MX2: variants seen among roughly 807,000 people sequenced by gnomAD.
MX2 encodes interferon-induced GTP-binding protein Mx2.
Under a neutral mutation model 74.0 loss-of-function variants are expected in MX2, and 51 were observed. The ratio of observed to expected loss-of-function variants is 0.69; its 90% CI spans 0.55 to 0.87. MX2 has a LOEUF of 0.87. Ranked by LOEUF, MX2 falls within the 40% of genes least tolerant of loss-of-function variation. MX2 has a pLI of 0.00. For missense variants in MX2, 832 were observed against 908.7 expected (o/e 0.92, Z 1.09); for synonymous variants, 369 against 339.3 (o/e 1.09, Z -0.96).
intron 5 of MX2, among the ~76,000 whole-genome samples, chr21:41,385,266 T>G (rs1266166754): frequency 6.6e-6 from 1 of 152,202 alleles, no homozygotes; most frequent in Admixed American, 6.5e-5. Flanking sequence ...AACTTTTCCT[T>G]TTAGTTGAAG....
chr21:41,386,365 TTA>T (rs1330208586), intron 5 of MX2, among the ~76,000 whole-genome samples: 1 of 151,914 alleles, frequency 6.6e-6, no homozygotes, highest in Non-Finnish European at 1.5e-5. Context: ...AGAAAAAAAT[TTA>T]TGTTTTCTTA....
chr21:41,377,209 A>G, intron 2 of MX2, 54 bp downstream of exon 2: 1 of 1,601,014 alleles, frequency 6.2e-7, no homozygotes, highest in Non-Finnish European at 8.5e-7. Flanking sequence ...GCCGGTGCAG[A>G]GGGCTGTCAT....
intron 10 of MX2, among the ~76,000 whole-genome samples, chr21:41,400,082 T>C (rs987596308): frequency 6.6e-6 from 1 of 152,210 alleles, no homozygotes. Context: ...TGGTGCCTGT[T>C]GTGGACACAC....
intron 3 of MX2, 78 bp from the exon 4 acceptor site, chr21:41,379,939 G>A: frequency 6.4e-7 from 1 of 1,568,290 alleles, no homozygotes. Context: ...GGGACAGCAG[G>A]GCAGGTTCTG....
At chr21:41,383,741 T>C (rs1488521976) in intron 5 of MX2, among the ~76,000 whole-genome samples, 1 of 152,194 alleles carries the variant, frequency 6.6e-6, no homozygotes, top group East Asian at 1.9e-4. Flanking sequence ...TGGTTAGTGA[T>C]CTTCCTCAAC....
Position 41,377,119 on chromosome 21 carries a change from G to A in MX2, c.213G>A (p.Gln71=), listed in dbSNP as rs142593261. The A allele has an allele frequency of 1.1e-5, 18 of 1,614,068 alleles. No individual in the cohort carries two copies. The highest frequency in any genetic ancestry group is 1.4e-5 in the Non-Finnish European group (17 of 1,180,040). Residue 71 remains glutamine (Q), a synonymous_variant, in exon 2 of 14, where the codon CAG becomes CAA. Transcript: ENST00000330714. ...KDFNFLTLNN[Q]PPPGNRSQPR... ...TCAACTTTCTCACTTTGAACAATCA[G>A]CCACCACCAGGAAACAGGAGCCAAC...
chr21:41,407,492 TATC>T (rs1202426527), intron 13 of MX2, among the ~76,000 whole-genome samples: 1 of 152,158 alleles, frequency 6.6e-6, no homozygotes, highest in Non-Finnish European at 1.5e-5. Context: ...AATATGCAAG[TATC>T]ACTGTTCCCA....
At chr21:41,389,375 A>G (rs1314686047) in intron 5 of MX2, among the ~76,000 whole-genome samples, 1 of 152,022 alleles carries the variant, frequency 6.6e-6, no homozygotes, top group African/African-American at 2.4e-5. Context: ...TAAAAAATTA[A>G]CCAGGCATGG....
Position 41,398,947 on chromosome 21 carries a change from G to A in MX2, c.1200G>A (p.Ala400=), listed in dbSNP as rs140510661. The part of the protein sequence containing the change: ...EGQIRESHQK[A]TEELRRCGAD... ...AAATAAGGGAGAGCCACCAGAAGGC[G>A]ACCGAGGAGCTGCGGCGTTGCGGGG... is the stretch of plus-strand genomic sequence containing the variant. Residue 400 remains alanine (A), a synonymous_variant, in exon 9 of 14, where the codon GCG becomes GCA. Transcript: ENST00000330714. 180 of 1,614,036 alleles carry A rather than the reference G, an allele frequency of 1.1e-4. No individual in the cohort carries two copies. In the African/African-American group the frequency reaches 1.8e-3, roughly 16 times the overall value.
At position 41,380,294 on chromosome 21, in the gene MX2, C is replaced by T. The variant is rs1221676042; in HGVS notation, c.577+143C>T. On this transcript the variant is annotated intron_variant, in intron 4 of 13. Transcript: ENST00000330714. The surrounding 1 kb of genome is among the most constrained non-coding windows in gnomAD (Gnocchi z 4.3). Reference sequence around the variant, plus strand: ...CTCCCACATGGGGCTGAACCCATTGCTGTCACCTCCACCATCCCTCCAGGT... The same window carrying T: ...CTCCCACATGGGGCTGAACCCATTGTTGTCACCTCCACCATCCCTCCAGGT... The T allele has an allele frequency of 9.0e-7, 1 of 1,108,082 alleles. No homozygotes were observed. The highest frequency in any genetic ancestry group is 1.3e-6 in the Non-Finnish European group (1 of 780,882). 68.6% of individuals were successfully genotyped at this position (1,108,082 alleles called of 1,614,324 possible). A position where few individuals can be genotyped will look rare whatever the true frequency, so the allele number is the denominator to read the frequency against.
intron 1 of MX2, among the ~76,000 whole-genome samples, chr21:41,375,242 CA>C (rs2145872642): frequency 6.6e-6 from 1 of 152,352 alleles, no homozygotes; most frequent in Non-Finnish European, 1.5e-5. Flanking sequence ...TTTGTTTTGG[CA>C]TTTCCCTGCT....
At position 41,388,409 on chromosome 21, in the gene MX2, C is replaced by T. The variant is rs2089610796; in HGVS notation, c.733-2156C>T. Reference sequence around the variant, plus strand: ...ACGCTTCCCACTGCCCGGTGCTCTGCCCGCATGGCTCTCCGCAGAGGGCAT... The same window carrying T: ...ACGCTTCCCACTGCCCGGTGCTCTGTCCGCATGGCTCTCCGCAGAGGGCAT... On this transcript the variant is annotated intron_variant, in intron 5 of 13. Transcript: ENST00000330714. This position sits in a 1 kb window ranked among gnomAD's most constrained non-coding sequence, Gnocchi z 4.0. Among the ~76,000 whole-genome samples, 1 of 152,236 alleles carries T rather than the reference C, an allele frequency of 6.6e-6. No individual in the cohort carries two copies. Among genetic ancestry groups the T allele is most frequent in the Non-Finnish European group, 1.5e-5 (1 of 68,040 alleles).
Position 41,409,101 on chromosome 21 carries a change from C to A in MX2, c.*868C>A, listed in dbSNP as rs1323223690. 6.6e-6 allele frequency: 1 copy of A among 152,174 alleles called. No homozygotes were observed. Among genetic ancestry groups the A allele is most frequent in the Admixed American group, 6.6e-5 (1 of 15,262 alleles). 9.4% of individuals were successfully genotyped at this position (152,174 alleles called of 1,614,324 possible). On this transcript the variant is annotated 3_prime_UTR_variant, in exon 14 of 14. Transcript: ENST00000330714. ...AAGTAGCCAGACATGGTGGTGCACA[C>A]CTGTAGTCCCAGCCACTCAGGTGGC...
intron 1 of MX2, among the ~76,000 whole-genome samples, chr21:41,373,206 T>C (rs762322532): frequency 2.0e-5 from 3 of 152,198 alleles, no homozygotes; most frequent in Non-Finnish European, 2.9e-5. Context: ...AATGAATGTT[T>C]ACAGAGTGGA....
rs1046651402 is a variant in MX2, at chr21:41,388,007, G to C, written c.733-2558G>C. Among the ~76,000 whole-genome samples the C allele has an allele frequency of 6.6e-6, 1 of 152,010 alleles. No homozygotes were observed. Among genetic ancestry groups the C allele is most frequent in the Non-Finnish European group, 1.5e-5 (1 of 68,024 alleles). On this transcript the variant is annotated intron_variant, in intron 5 of 13. Transcript: ENST00000330714. The surrounding 1 kb of genome is among the most constrained non-coding windows in gnomAD (Gnocchi z 4.0). ...GGCTCTGCTTCAAATAACACACCCA[G>C]GCCCACGTCTCCTCCCACTTCCACC...
chr21:41,369,670 GC>G (rs1166650906), intron 1 of MX2, among the ~76,000 whole-genome samples: 1 of 152,108 alleles, frequency 6.6e-6, no homozygotes, highest in Non-Finnish European at 1.5e-5. Context: ...GGACTCTGGT[GC>G]CCCTGGGGCC....
At chr21:41,401,246 G>A (rs2089810057) in intron 10 of MX2, 1 of 152,200 alleles carries the variant, frequency 6.6e-6, no homozygotes, top group Admixed American at 6.5e-5. Context: ...TGGGGACACA[G>A]AGCCAAACCA....
rs1448357604 is a variant in MX2, at chr21:41,390,718, C to T, written c.871+15C>T. On this transcript the variant is annotated intron_variant, in intron 6 of 13. Transcript: ENST00000330714. ...CAGGACCATCGGTAAGAGGAAAGAA[C>T]CAAGTGGCCGGGTGCGGTGGCTCAA... The T allele has an allele frequency of 1.2e-6, 2 of 1,612,956 alleles. No individual in the cohort carries two copies. The highest frequency in any genetic ancestry group is 1.7e-5 in the Admixed American group (1 of 59,960).
intron 5 of MX2, among the ~76,000 whole-genome samples, chr21:41,387,848 T>C (rs953415209): frequency 5.9e-5 from 9 of 152,164 alleles, no homozygotes; most frequent in African/African-American, 2.2e-4. Flanking sequence ...CAGTATCTGC[T>C]GGCCCCATAG....
Sources: allele counts gnomAD v4.1 joint callset (sites outside exome capture counted in the v4.1 genomes callset), GRCh38; gene constraint gnomAD v4.1.1; non-coding constraint Gnocchi (gnomAD v3.1); transcripts MANE v1.5; gene names NCBI Gene and HGNC (gene_info 2026-07-23, HGNC 2026-07-21).